GPHN: variants seen among roughly 807,000 people sequenced by gnomAD.
GPHN encodes the protein gephyrin.
GPHN carries 17 observed loss-of-function variants against 95.5 expected under a neutral mutation model. The observed-to-expected ratio is 0.18, with a 90% confidence interval of 0.12 to 0.27. The LOEUF (loss-of-function observed/expected upper bound fraction) is 0.27. GPHN is among the 10% of genes least tolerant of loss of function. The pLI, the probability that GPHN is intolerant of heterozygous loss-of-function variation, is 1.00. For synonymous variants in GPHN, 320 were observed against 322.5 expected (o/e 0.99, Z 0.08); for missense variants, 660 against 978.1 (o/e 0.67, Z 4.34).
chr14:67,252,115 A>G, the GPHN span, among the ~76,000 whole-genome samples: 1 of 152,194 alleles, frequency 6.6e-6, no homozygotes, highest in Non-Finnish European at 1.5e-5. Context: ...TGTATCCCTT[A>G]TAATAAACCA....
the GPHN span, chr14:67,575,273 T>G: frequency 1.6e-6 from 1 of 633,084 alleles, no homozygotes. Context: ...GGAGCCCAAA[T>G]GGCATCTCCA....
the GPHN span, chr14:67,600,033 G>C: frequency 4.5e-6 from 7 of 1,570,692 alleles, no homozygotes; most frequent in Non-Finnish European, 6.0e-6. Context: ...CCTCGCAGAG[G>C]GTGAAGAGTC....
At chr14:66,848,253 C>T (rs2062420729) in intron 4 of GPHN, among the ~76,000 whole-genome samples, 2 of 152,032 alleles carry the variant, frequency 1.3e-5, no homozygotes, top group African/African-American at 2.4e-5. Flanking sequence ...TTGGTTTATT[C>T]ATAGCCGTAG....
chr14:67,210,061 A>G, the GPHN span, among the ~76,000 whole-genome samples: 2 of 152,164 alleles, frequency 1.3e-5, no homozygotes, highest in African/African-American at 4.8e-5. Context: ...GTCACTGTAA[A>G]TGGTTGTCAA....
At chr14:67,630,787 C>T in the GPHN span, among the ~76,000 whole-genome samples, 1 of 152,108 alleles carries the variant, frequency 6.6e-6, no homozygotes, top group East Asian at 1.9e-4. Context: ...ACCATCTTGG[C>T]CAGGCTGGTC....
At chr14:66,813,850 C>T (rs1457852507) in intron 3 of GPHN, among the ~76,000 whole-genome samples, 2 of 152,182 alleles carry the variant, frequency 1.3e-5, no homozygotes, top group African/African-American at 4.8e-5. Context: ...CTGGTCATGC[C>T]TGCTGGCAGG....
chr14:66,697,668 TTTTTTTTC>T (rs1210991795), intron 2 of GPHN, among the ~76,000 whole-genome samples: 4 of 130,374 alleles, frequency 3.1e-5, no homozygotes, highest in South Asian at 2.4e-4. Context: ...CTTGCCTTTT[TTTTTTTTC>T]TTTTTTCTTT....
chr14:66,864,155 G>A (rs574366105), intron 4 of GPHN, among the ~76,000 whole-genome samples: 42 of 152,172 alleles, frequency 2.8e-4, no homozygotes, highest in African/African-American at 9.4e-4. Context: ...ATGGGCAAAA[G>A]ATCTGAATAG....
rs182227066 is a variant in GPHN at position 66,530,500 on chromosome 14, A to C, written c.64+21909A>C. On this transcript the variant is annotated intron_variant, in intron 1 of 22. Coordinates refer to ENST00000478722, the MANE Select transcript of GPHN (RefSeq NM_020806.5). Reference sequence around the variant, plus strand: ...TCCAGGTACCACTGGGGTATGAAAAAAAAACAAAACAAAAACCTCCTGCAG... The same window carrying C: ...TCCAGGTACCACTGGGGTATGAAAACAAAACAAAACAAAAACCTCCTGCAG... Among the ~76,000 whole-genome samples, 12 of 152,166 alleles carry C rather than the reference A, an allele frequency of 7.9e-5. No homozygotes were observed. In the East Asian group the frequency reaches 2.3e-3, roughly 29 times the overall value.
intron 5 of GPHN, among the ~76,000 whole-genome samples, chr14:66,882,558 T>A (rs1456842500): frequency 1.3e-5 from 2 of 151,882 alleles, no homozygotes; most frequent in African/African-American, 4.8e-5. Flanking sequence ...GCTTGTGTTC[T>A]ATGTTAATGT....
At chr14:67,029,234 C>G (rs559735537) in intron 10 of GPHN, among the ~76,000 whole-genome samples, 1 of 152,032 alleles carries the variant, frequency 6.6e-6, no homozygotes, top group African/African-American at 2.4e-5. Flanking sequence ...GTTTTGCGTA[C>G]TACAGCTTTG....
the GPHN span, among the ~76,000 whole-genome samples, chr14:67,314,322 AG>A: frequency 6.6e-6 from 1 of 152,234 alleles, no homozygotes; most frequent in Non-Finnish European, 1.5e-5. Context: ...TAAGCCAAAG[AG>A]ACTTTTCTGG....
intron 1 of GPHN, among the ~76,000 whole-genome samples, chr14:66,590,787 C>T (rs1412873050): frequency 1.3e-5 from 2 of 152,158 alleles, no homozygotes; most frequent in Admixed American, 1.3e-4. Flanking sequence ...AGAAGGAATC[C>T]TCCCTAACTC....
chr14:67,563,142 G>A, the GPHN span, among the ~76,000 whole-genome samples: 3 of 152,206 alleles, frequency 2.0e-5, no homozygotes, highest in African/African-American at 4.8e-5. Context: ...CATTGAGCTG[G>A]GTGCCCTGCA....
chr14:67,126,846 CA>C (rs1201193217), intron 17 of GPHN, among the ~76,000 whole-genome samples: 1 of 151,336 alleles, frequency 6.6e-6, no homozygotes, highest in Non-Finnish European at 1.5e-5. Flanking sequence ...GGAACCAACC[CA>C]AATGTCCAAC....
the GPHN span, among the ~76,000 whole-genome samples, chr14:67,363,417 T>C: frequency 1.3e-5 from 2 of 152,176 alleles, no homozygotes; most frequent in Non-Finnish European, 1.5e-5. Context: ...TTTGCACTTA[T>C]TGGTGTTATG....
chr14:66,801,848 G>C (rs1241213380), intron 3 of GPHN, among the ~76,000 whole-genome samples: 1 of 151,118 alleles, frequency 6.6e-6, no homozygotes, highest in Non-Finnish European at 1.5e-5. Flanking sequence ...GCTACCTGGA[G>C]CTGGTGGTGG....
intron 1 of GPHN, among the ~76,000 whole-genome samples, chr14:66,590,865 A>T (rs573468682): frequency 9.1e-4 from 138 of 152,308 alleles, no homozygotes; most frequent in Non-Finnish European, 1.7e-3. Context: ...AGAAAATTTC[A>T]GGCCAATATC....
chr14:67,651,346 G>C, the GPHN span: 3 of 1,612,242 alleles, frequency 1.9e-6, no homozygotes, highest in Non-Finnish European at 2.5e-6. Flanking sequence ...GCATTCACAA[G>C]GTCAAAGTTC....
Sources: allele counts gnomAD v4.1 joint callset (sites outside exome capture counted in the v4.1 genomes callset), GRCh38; gene constraint gnomAD v4.1.1; transcripts MANE v1.5; gene names NCBI Gene and HGNC (gene_info 2026-07-23, HGNC 2026-07-21).